MAF: variants seen among roughly 807,000 people sequenced by gnomAD.
MAF encodes the protein transcription factor Maf.
In MAF, 10 loss-of-function variants were observed where a neutral mutation model predicts 22.0. The ratio of observed to expected loss-of-function variants is 0.45; its 90% CI spans 0.28 to 0.77. The LOEUF (loss-of-function observed/expected upper bound fraction) is 0.77, where lower values mean the gene tolerates loss of function less well. Among genes scored for constraint, MAF ranks in the 30% least tolerant of loss-of-function variants. The pLI, the probability that MAF is intolerant of heterozygous loss-of-function variation, is 0.12. For synonymous variants in MAF, 337 were observed against 255.8 expected (o/e 1.32, Z -3.03); for missense variants, 544 against 548.4 (o/e 0.99, Z 0.08).
the MAF span, among the ~76,000 whole-genome samples, chr16:79,270,963 C>T: frequency 8.6e-3 from 1,295 of 150,598 alleles, 12 homozygotes; most frequent in Non-Finnish European, 0.015. Context: ...TGCACTGGTG[C>T]AATCTTGGCT....
the MAF span, among the ~76,000 whole-genome samples, chr16:79,511,886 C>T: frequency 5.3e-5 from 8 of 152,174 alleles, no homozygotes; most frequent in East Asian, 1.9e-4. Context: ...ACCTCTGCTT[C>T]GGTCTGCAAA....
the MAF span, among the ~76,000 whole-genome samples, chr16:79,534,466 G>C: frequency 7.9e-5 from 12 of 152,180 alleles, no homozygotes; most frequent in South Asian, 2.3e-3. Flanking sequence ...TCACATACAG[G>C]TGAGTGTTGA....
chr16:79,235,941 G>A, the MAF span, among the ~76,000 whole-genome samples: 47 of 152,016 alleles, frequency 3.1e-4, no homozygotes, highest in South Asian at 4.8e-3. Flanking sequence ...AGAATCCAGG[G>A]TGTCCTTCCC....
At chr16:79,493,167 T>C in the MAF span, among the ~76,000 whole-genome samples, 2 of 151,818 alleles carry the variant, frequency 1.3e-5, no homozygotes, top group African/African-American at 4.8e-5. Context: ...TGTTTTGTTT[T>C]GTTTTTTGTT....
the MAF span, among the ~76,000 whole-genome samples, chr16:79,263,410 T>C: frequency 6.6e-6 from 1 of 152,204 alleles, no homozygotes; most frequent in Non-Finnish European, 1.5e-5. Context: ...TAAGAGAAGA[T>C]ATTATCTTTG....
the MAF span, among the ~76,000 whole-genome samples, chr16:79,381,927 C>A: frequency 6.6e-6 from 1 of 152,158 alleles, no homozygotes. Context: ...CCTCGCTTAA[C>A]CCACATCTGG....
the MAF span, among the ~76,000 whole-genome samples, chr16:79,503,962 T>A: frequency 6.6e-6 from 1 of 152,270 alleles, no homozygotes; most frequent in South Asian, 2.1e-4. Context: ...CCATAATTTC[T>A]GTCTGTAACA....
At chr16:79,346,285 T>TAGAA in the MAF span, among the ~76,000 whole-genome samples, 1 of 151,922 alleles carries the variant, frequency 6.6e-6, no homozygotes, top group African/African-American at 2.4e-5. Context: ...TGTTTGGTTT[T>TAGAA]CTGTCCTTGC....
the MAF span, among the ~76,000 whole-genome samples, chr16:79,519,500 G>A: frequency 3.3e-4 from 50 of 152,258 alleles, 1 homozygote; most frequent in South Asian, 8.1e-3. Flanking sequence ...CCACCTTCAA[G>A]CACGAAGCAG....
At chr16:79,444,012 A>G in the MAF span, among the ~76,000 whole-genome samples, 1 of 152,218 alleles carries the variant, frequency 6.6e-6, no homozygotes, top group Non-Finnish European at 1.5e-5. Flanking sequence ...AAACATTTAT[A>G]TACGTACACA....
chr16:79,497,300 A>G, the MAF span, among the ~76,000 whole-genome samples: 1 of 152,202 alleles, frequency 6.6e-6, no homozygotes, highest in Non-Finnish European at 1.5e-5. Context: ...GACAGGTACT[A>G]GTCTCCCCTT....
the MAF span, among the ~76,000 whole-genome samples, chr16:79,509,126 G>A: frequency 1.3e-5 from 2 of 152,186 alleles, no homozygotes; most frequent in Admixed American, 1.3e-4. Flanking sequence ...CTGGACACAC[G>A]TAGGTTGCAC....
chr16:79,501,048 T>C, the MAF span, among the ~76,000 whole-genome samples: 7 of 152,208 alleles, frequency 4.6e-5, no homozygotes, highest in African/African-American at 1.7e-4. Flanking sequence ...AGGGATCCTG[T>C]AACAGGTGGG....
At chr16:79,479,391 G>A in the MAF span, among the ~76,000 whole-genome samples, 1 of 152,206 alleles carries the variant, frequency 6.6e-6, no homozygotes. Context: ...TGTGTTTTCT[G>A]AACAAGTGAA....
chr16:79,327,229 C>G, the MAF span, among the ~76,000 whole-genome samples: 1 of 152,166 alleles, frequency 6.6e-6, no homozygotes, highest in Admixed American at 6.5e-5. Context: ...GAGACCAGTT[C>G]GGTAGTGCCT....
the MAF span, among the ~76,000 whole-genome samples, chr16:79,317,576 G>A: frequency 1.4e-4 from 20 of 147,250 alleles, no homozygotes; most frequent in East Asian, 2.8e-3. Context: ...CTTTACTTCC[G>A]CCCTTCCTTT....
At chr16:79,212,386 G>C in the MAF span, 2 of 479,422 alleles carry the variant, frequency 4.2e-6, no homozygotes, top group Non-Finnish European at 7.3e-6. Flanking sequence ...GAACTACCAG[G>C]TGGCAAAGTA....
chr16:79,346,221 C>G, the MAF span, among the ~76,000 whole-genome samples: 2 of 148,804 alleles, frequency 1.3e-5, no homozygotes, highest in African/African-American at 2.5e-5. Flanking sequence ...ATGTTCCCCA[C>G]CCTGTGTCCA....
chr16:79,223,953 C>T, the MAF span, among the ~76,000 whole-genome samples: 10 of 152,310 alleles, frequency 6.6e-5, no homozygotes, highest in Admixed American at 5.2e-4. Context: ...TGGTACCATA[C>T]CTTCTGAAAC....
Sources: allele counts gnomAD v4.1 joint callset (sites outside exome capture counted in the v4.1 genomes callset), GRCh38; gene constraint gnomAD v4.1.1; transcripts MANE v1.5; gene names NCBI Gene and HGNC (gene_info 2026-07-23, HGNC 2026-07-21).